Variants in NCKAP5 observed in about 807,000 individuals in gnomAD.
NCKAP5 encodes the protein nck-associated protein 5.
NCKAP5 carries 92 observed loss-of-function variants against 167.0 expected under a neutral mutation model. The ratio of observed to expected loss-of-function variants is 0.55; its 90% CI spans 0.47 to 0.66. NCKAP5 has a LOEUF of 0.66. Ranked by LOEUF, NCKAP5 falls within the 30% of genes least tolerant of loss-of-function variation. NCKAP5 has a pLI of 0.00. For synonymous variants in NCKAP5, 891 were observed against 877.4 expected, an observed-to-expected ratio of 1.02 and a Z score of -0.27; for missense variants, 2,378 against 2,315.0, an observed-to-expected ratio of 1.03 and a Z score of -0.56.
At chr2:133,537,492 T>C (rs1685854274) in intron 2 of NCKAP5, among the ~76,000 whole-genome samples, 1 of 152,160 alleles carries the variant, frequency 6.6e-6, no homozygotes. Context: ...TTATAAGTTT[T>C]AGTGTACAAC....
intron 3 of NCKAP5, among the ~76,000 whole-genome samples, chr2:133,470,140 T>C (rs1692937725): frequency 1.3e-5 from 2 of 152,114 alleles, no homozygotes; most frequent in African/African-American, 4.8e-5. Flanking sequence ...ATCTTTGTGG[T>C]TTTATCTACT....
chr2:133,616,867 C>G, the NCKAP5 span, among the ~76,000 whole-genome samples: 2 of 152,166 alleles, frequency 1.3e-5, no homozygotes, highest in Non-Finnish European at 2.9e-5. Context: ...AACTTTAGAC[C>G]AATATCCTTG....
intron 5 of NCKAP5, among the ~76,000 whole-genome samples, chr2:133,185,790 C>A (rs1315440417): frequency 6.6e-6 from 1 of 151,946 alleles, no homozygotes; most frequent in Middle Eastern, 3.2e-3. Flanking sequence ...GAAATGCCAG[C>A]AATTTTTTAC....
intron 2 of NCKAP5, among the ~76,000 whole-genome samples, chr2:133,552,081 A>C (rs1197801785): frequency 3.6e-5 from 4 of 110,540 alleles, no homozygotes; most frequent in Non-Finnish European, 7.6e-5. Flanking sequence ...CGATCATTAA[A>C]AAGTCAGGAA....
the NCKAP5 span, among the ~76,000 whole-genome samples, chr2:133,612,464 C>G: frequency 6.6e-6 from 1 of 152,160 alleles, no homozygotes; most frequent in African/African-American, 2.4e-5. Flanking sequence ...CACTTTAAAG[C>G]ATGGTACTTC....
At chr2:132,832,855 C>T (rs74772854) in intron 11 of NCKAP5, among the ~76,000 whole-genome samples, 5,613 of 152,096 alleles carry the variant, frequency 0.037, 140 homozygotes, top group East Asian at 0.092. Context: ...TTTTTGTATA[C>T]GGATTTATTT....
In NCKAP5 at chr2:133,102,744, A is replaced by AACACACACAC. The variant is rs3051212; in HGVS notation, c.341+27224_341+27233dup. Among the ~76,000 whole-genome samples, 255 of 135,214 alleles carry AACACACACAC rather than the reference A, an allele frequency of 1.9e-3. 2 individuals are homozygous for AACACACACAC. Among genetic ancestry groups the AACACACACAC allele is most frequent in the South Asian group, 3.8e-3 (14 of 3,716 alleles). 88.7% of individuals were successfully genotyped at this position (135,214 alleles called of 152,430 possible). A position where few individuals can be genotyped will look rare whatever the true frequency, so the allele number is the denominator to read the frequency against. ...AACTGACAGGTTAGACAAGCATGTA[A>AACACACACAC]ACACACACACACACACACACACACA... On this transcript the variant is annotated intron_variant, in intron 6 of 19. Coordinates refer to ENST00000409261, the MANE Select transcript of NCKAP5 (RefSeq NM_207363.3).
chr2:133,467,762 T>G (rs966194086), intron 3 of NCKAP5, among the ~76,000 whole-genome samples: 2 of 144,734 alleles, frequency 1.4e-5, no homozygotes, highest in African/African-American at 2.6e-5. Flanking sequence ...TCCAGGAATG[T>G]ATCCATTTCT....
chr2:133,498,530 C>CA (rs1575063857), intron 3 of NCKAP5, among the ~76,000 whole-genome samples: 3 of 94,952 alleles, frequency 3.2e-5, no homozygotes, highest in African/African-American at 1.3e-4. Context: ...AAGAAAAGGG[C>CA]GGCAGGGAGG....
chr2:133,149,069 G>A (rs988825917), intron 5 of NCKAP5, among the ~76,000 whole-genome samples: 2 of 151,972 alleles, frequency 1.3e-5, no homozygotes, highest in Non-Finnish European at 2.9e-5. Flanking sequence ...TATTATTTGG[G>A]CTTCTATGAA....
chr2:132,754,221 T>C (rs537945922), intron 16 of NCKAP5, among the ~76,000 whole-genome samples: 2 of 152,336 alleles, frequency 1.3e-5, no homozygotes, highest in South Asian at 4.1e-4. Flanking sequence ...GTTTCTCTTC[T>C]CTGTCTGACT....
chr2:133,607,645 G>A, the NCKAP5 span, among the ~76,000 whole-genome samples: 2 of 152,142 alleles, frequency 1.3e-5, no homozygotes, highest in African/African-American at 4.8e-5. Context: ...ATGCCTAAGG[G>A]TATTTTAATG....
chr2:132,871,617 T>G (rs1163483392), intron 9 of NCKAP5, among the ~76,000 whole-genome samples: 1 of 152,160 alleles, frequency 6.6e-6, no homozygotes, highest in Non-Finnish European at 1.5e-5. Context: ...ATATGTTATA[T>G]CTCACAATCC....
intron 3 of NCKAP5, among the ~76,000 whole-genome samples, chr2:133,466,550 G>A: frequency 6.6e-6 from 1 of 151,818 alleles, no homozygotes; most frequent in East Asian, 1.9e-4. Flanking sequence ...TGTGAAGAAA[G>A]GCATTGGTAG....
intron 11 of NCKAP5, among the ~76,000 whole-genome samples, chr2:132,852,110 AT>A (rs1300921342): frequency 6.6e-6 from 1 of 152,124 alleles, no homozygotes; most frequent in Non-Finnish European, 1.5e-5. Flanking sequence ...AAATCCTTCT[AT>A]TTATCCAAAA....
intron 11 of NCKAP5, among the ~76,000 whole-genome samples, chr2:132,822,673 A>C (rs927619705): frequency 1.3e-5 from 2 of 152,208 alleles, no homozygotes. Context: ...CCAAAAGATC[A>C]CACCAGCTCC....
At chr2:133,178,947 C>T (rs1018556453) in intron 5 of NCKAP5, among the ~76,000 whole-genome samples, 1 of 151,802 alleles carries the variant, frequency 6.6e-6, no homozygotes, top group African/African-American at 2.4e-5. Context: ...AGGTGGATCA[C>T]TTGAGGCCAG....
At chr2:133,437,999 C>G (rs1362846488) in intron 3 of NCKAP5, among the ~76,000 whole-genome samples, 1 of 152,228 alleles carries the variant, frequency 6.6e-6, no homozygotes, top group Non-Finnish European at 1.5e-5. Flanking sequence ...TGAAAAATCA[C>G]TGTTCCAGAA....
At chr2:132,873,512 G>A (rs1691007587) in intron 9 of NCKAP5, among the ~76,000 whole-genome samples, 1 of 152,158 alleles carries the variant, frequency 6.6e-6, no homozygotes, top group Non-Finnish European at 1.5e-5. Flanking sequence ...TAATATACAT[G>A]TATAAATGTA....
Sources: allele counts gnomAD v4.1 joint callset (sites outside exome capture counted in the v4.1 genomes callset), GRCh38; gene constraint gnomAD v4.1.1; transcripts MANE v1.5; gene names NCBI Gene and HGNC (gene_info 2026-07-23, HGNC 2026-07-21).